TESK2: variants seen among roughly 807,000 people sequenced by gnomAD.
TESK2 encodes dual specificity testis-specific protein kinase 2.
TESK2 carries 39 observed loss-of-function variants against 57.1 expected under a neutral mutation model. The ratio of observed to expected loss-of-function variants is 0.68; its 90% CI spans 0.53 to 0.89. TESK2 has a LOEUF of 0.89. Ranked by LOEUF, TESK2 falls within the 40% of genes least tolerant of loss-of-function variation. The pLI, the probability that TESK2 is intolerant of heterozygous loss-of-function variation, is 0.00. For synonymous variants in TESK2, 249 were observed against 267.9 expected, an observed-to-expected ratio of 0.93 and a Z score of 0.69; for missense variants, 646 against 732.1, an observed-to-expected ratio of 0.88 and a Z score of 1.36.
At chr1:45,398,448 G>A (rs1389567507) in intron 3 of TESK2, among the ~76,000 whole-genome samples, 1 of 152,076 alleles carries the variant, frequency 6.6e-6, no homozygotes, top group Non-Finnish European at 1.5e-5. Flanking sequence ...AGGAGGCTGA[G>A]GCAGAAGAAA....
intron 1 of TESK2, among the ~76,000 whole-genome samples, chr1:45,482,373 A>G (rs1045630153): frequency 6.6e-6 from 1 of 151,976 alleles, no homozygotes; most frequent in African/African-American, 2.4e-5. Context: ...ACAAAAAAAT[A>G]AAAACTTATC....
At chr1:45,419,780 T>C (rs1295577222) in intron 3 of TESK2, among the ~76,000 whole-genome samples, 1 of 152,070 alleles carries the variant, frequency 6.6e-6, no homozygotes, top group Non-Finnish European at 1.5e-5. Flanking sequence ...CACTCCAGCC[T>C]GGGCGACAAG....
chr1:45,438,757 C>T (rs1368877042), intron 2 of TESK2, among the ~76,000 whole-genome samples: 4 of 152,022 alleles, frequency 2.6e-5, no homozygotes, highest in Non-Finnish European at 4.4e-5. Flanking sequence ...CCATTTAGCC[C>T]CCACTTATAA....
At chr1:45,355,547 AT>A (rs947231071) in intron 4 of TESK2, 98 bp from the exon 5 acceptor site, 8,883 of 1,260,932 alleles carry the variant, frequency 7.0e-3, no homozygotes, top group South Asian at 7.6e-3. Context: ...GAGAGACTGT[AT>A]TTTTTTTTTA....
chr1:45,466,178 C>G (rs962403461), intron 1 of TESK2, among the ~76,000 whole-genome samples: 1 of 151,914 alleles, frequency 6.6e-6, no homozygotes, highest in African/African-American at 2.4e-5. Context: ...CTAATCTCTA[C>G]AAAAAATACA....
chr1:45,344,676 C>T lies in TESK2; in HGVS notation c.*164G>A, dbSNP rs540338394. On this transcript the variant is annotated 3_prime_UTR_variant, in exon 11 of 11. Coordinates refer to ENST00000372086, the MANE Select transcript of TESK2 (RefSeq NM_007170.3). ...AGGAAGGCCTCTCACTGCTGCCTCC[C>T]GTCATACACAGCCAATGGGCACTGG... 39 of 646,430 alleles carry T rather than the reference C, an allele frequency of 6.0e-5. No homozygotes were observed. The highest frequency in any genetic ancestry group is 5.3e-4 in the African/African-American group (29 of 54,752). 40.0% of individuals were successfully genotyped at this position (646,430 alleles called of 1,614,324 possible). A position where few individuals can be genotyped will look rare whatever the true frequency, so the allele number is the denominator to read the frequency against.
chr1:45,356,779 C>T (rs887207909), intron 4 of TESK2, among the ~76,000 whole-genome samples: 10 of 152,098 alleles, frequency 6.6e-5, no homozygotes, highest in African/African-American at 2.4e-4. Flanking sequence ...GAGGCAAAAA[C>T]ATTGAGCTGA....
At chr1:45,447,065 A>T (rs546241669) in intron 2 of TESK2, among the ~76,000 whole-genome samples, 2 of 152,282 alleles carry the variant, frequency 1.3e-5, no homozygotes, top group African/African-American at 2.4e-5. Flanking sequence ...AAATAATTTT[A>T]AAAATTAGCC....
chr1:45,410,147 C>T (rs1178482746), intron 3 of TESK2, among the ~76,000 whole-genome samples: 1 of 151,766 alleles, frequency 6.6e-6, no homozygotes, highest in Non-Finnish European at 1.5e-5. Context: ...CAGAGTGAGA[C>T]TCTGTCTCAA....
intron 2 of TESK2, among the ~76,000 whole-genome samples, chr1:45,427,038 T>G (rs966556789): frequency 1.3e-5 from 2 of 151,478 alleles, no homozygotes; most frequent in African/African-American, 4.9e-5. Flanking sequence ...AGGTCGGGAG[T>G]TGGAGACCAG....
At chr1:45,376,248 C>T (rs1384781584) in intron 4 of TESK2, among the ~76,000 whole-genome samples, 3 of 120,238 alleles carry the variant, frequency 2.5e-5, no homozygotes, top group Non-Finnish European at 3.2e-5. Flanking sequence ...GACAGAGTCT[C>T]ACTCTGTCAC....
intron 2 of TESK2, among the ~76,000 whole-genome samples, chr1:45,428,242 G>C (rs571863376): frequency 6.6e-6 from 1 of 152,128 alleles, no homozygotes; most frequent in African/African-American, 2.4e-5. Context: ...CATGGAAACT[G>C]AGGCACAGAG....
At chr1:45,489,803 TAACA>T (rs1196808366) in intron 1 of TESK2, among the ~76,000 whole-genome samples, 6 of 152,078 alleles carry the variant, frequency 3.9e-5, no homozygotes, top group East Asian at 1.9e-4. Flanking sequence ...AAACAAAAAC[TAACA>T]AACAAACCCT....
chr1:45,463,140 T>G (rs895316752), intron 1 of TESK2, among the ~76,000 whole-genome samples: 11 of 152,232 alleles, frequency 7.2e-5, no homozygotes, highest in Non-Finnish European at 2.9e-5. Context: ...ATTAATTCTT[T>G]GTCAGACGGG....
chr1:45,447,525 C>A (rs1425179616), intron 2 of TESK2, among the ~76,000 whole-genome samples: 5 of 151,918 alleles, frequency 3.3e-5, no homozygotes, highest in Non-Finnish European at 5.9e-5. Flanking sequence ...GATAACAGTG[C>A]CTTATTCTGG....
chr1:45,351,056 A>G (rs539883613), intron 5 of TESK2, among the ~76,000 whole-genome samples: 144 of 152,374 alleles, frequency 9.5e-4, no homozygotes, highest in African/African-American at 3.2e-3. Context: ...CAACAATAAC[A>G]ACAGAAAAGA....
chr1:45,364,275 G>A (rs944270037), intron 4 of TESK2, among the ~76,000 whole-genome samples: 3 of 152,324 alleles, frequency 2.0e-5, no homozygotes, highest in Admixed American at 1.3e-4. Context: ...TCACATTGGA[G>A]TAGGGCAGGC....
chr1:45,348,363 C>T (rs1350483678), intron 5 of TESK2, among the ~76,000 whole-genome samples: 2 of 152,230 alleles, frequency 1.3e-5, no homozygotes, highest in Non-Finnish European at 2.9e-5. Context: ...TATCAGGCCC[C>T]TGGCCTCCCT....
intron 2 of TESK2, among the ~76,000 whole-genome samples, chr1:45,446,820 T>C (rs925841405): frequency 2.0e-5 from 3 of 152,206 alleles, no homozygotes; most frequent in Non-Finnish European, 4.4e-5. Context: ...CCATAATCCA[T>C]TTTTTAAGCT....
Sources: gnomAD v4.1 joint callset for allele counts (sites outside exome capture counted in the v4.1 genomes callset) on GRCh38, gnomAD v4.1.1 for gene constraint, MANE v1.5 for transcripts, NCBI Gene and HGNC (gene_info 2026-07-23, HGNC 2026-07-21) for gene names.